Variants in PLPP4 observed in about 807,000 individuals in gnomAD.
PLPP4 encodes the protein phospholipid phosphatase 4, also known as diacylglycerol pyrophosphate like 2.
In PLPP4, 20 loss-of-function variants were observed where a neutral mutation model predicts 32.2. The ratio of observed to expected loss-of-function variants is 0.62; its 90% CI spans 0.44 to 0.90. PLPP4 has a LOEUF of 0.90. PLPP4 is among the 40% of genes least tolerant of loss of function. PLPP4 has a pLI of 0.00. For missense variants in PLPP4, 257 were observed against 353.1 expected, an observed-to-expected ratio of 0.73 and a Z score of 2.18; for synonymous variants, 127 against 133.0, an observed-to-expected ratio of 0.95 and a Z score of 0.31.
At chr10:120,534,952 C>T (rs1846943112) in intron 5 of PLPP4, among the ~76,000 whole-genome samples, 1 of 152,166 alleles carries the variant, frequency 6.6e-6, no homozygotes, top group Admixed American at 6.5e-5. Flanking sequence ...GTGGCCCTCA[C>T]AGGCAGTTTC....
At chr10:120,547,484 T>C (rs997302074) in intron 5 of PLPP4, among the ~76,000 whole-genome samples, 4 of 152,160 alleles carry the variant, frequency 2.6e-5, no homozygotes, top group Non-Finnish European at 5.9e-5. Context: ...AGGAGAATGA[T>C]TGATTATTAA....
chr10:120,571,014 A>G (rs1848909097), intron 5 of PLPP4, among the ~76,000 whole-genome samples: 1 of 150,494 alleles, frequency 6.6e-6, no homozygotes, highest in Non-Finnish European at 1.5e-5. Flanking sequence ...AAAACCTACT[A>G]CAAGGCTTTG....
chr10:120,554,596 T>C (rs1022540326), intron 5 of PLPP4, among the ~76,000 whole-genome samples: 1 of 152,162 alleles, frequency 6.6e-6, no homozygotes, highest in Non-Finnish European at 1.5e-5. Context: ...AAGAACTACC[T>C]GAGACTGGGT....
At chr10:120,491,554 G>C (rs1351973610) in intron 1 of PLPP4, among the ~76,000 whole-genome samples, 1 of 151,866 alleles carries the variant, frequency 6.6e-6, no homozygotes, top group Non-Finnish European at 1.5e-5. Flanking sequence ...CTGAAATCTA[G>C]ATGAAGCTAA....
At chr10:120,559,960 A>G (rs1848342214) in intron 5 of PLPP4, among the ~76,000 whole-genome samples, 1 of 152,250 alleles carries the variant, frequency 6.6e-6, no homozygotes, top group African/African-American at 2.4e-5. Flanking sequence ...GTAATTTTAT[A>G]GCCACCTCCC....
intron 5 of PLPP4, among the ~76,000 whole-genome samples, chr10:120,531,030 A>G (rs1011602343): frequency 6.6e-6 from 1 of 151,496 alleles, no homozygotes; most frequent in Non-Finnish European, 1.5e-5. Context: ...ATTTTCTTCT[A>G]TCAATAGAAG....
intron 2 of PLPP4, among the ~76,000 whole-genome samples, chr10:120,509,250 T>C (rs1321394615): frequency 1.3e-5 from 2 of 152,212 alleles, no homozygotes; most frequent in Non-Finnish European, 2.9e-5. Flanking sequence ...ATTATCGTCA[T>C]ACCCATTTAT....
chr10:120,543,048 G>A lies in PLPP4; in HGVS notation c.445+21953G>A, dbSNP rs181896167. ...TAGCCTGACACCCATCCCCAGGACG[G>A]TGGGTGAGTGTGGGTGTGGGTGGCA... is the stretch of plus-strand genomic sequence containing the variant. On this transcript the variant is annotated intron_variant, in intron 5 of 6. Transcript: ENST00000398250. 2.9e-3 allele frequency among the ~76,000 whole-genome samples: 442 copies of A among 152,324 alleles called. 2 individuals are homozygous for A. The highest frequency in any genetic ancestry group is 0.02 in the South Asian group (95 of 4,832).
chr10:120,538,166 A>G (rs1233219674), intron 5 of PLPP4, among the ~76,000 whole-genome samples: 2 of 147,910 alleles, frequency 1.4e-5, no homozygotes, highest in African/African-American at 5.0e-5. Flanking sequence ...ATAAGTCTGG[A>G]TAAGTCATTC....
At chr10:120,529,222 G>A (rs893729689) in intron 5 of PLPP4, among the ~76,000 whole-genome samples, 1 of 152,060 alleles carries the variant, frequency 6.6e-6, no homozygotes, top group Admixed American at 6.6e-5. Context: ...GTAACAGGGG[G>A]TGCTATTGGC....
At chr10:120,461,941 A>C (rs942705974) in intron 1 of PLPP4, among the ~76,000 whole-genome samples, 1 of 152,212 alleles carries the variant, frequency 6.6e-6, no homozygotes, top group Non-Finnish European at 1.5e-5. Context: ...GCTTGAGGGC[A>C]CTGGATGTCA....
intron 5 of PLPP4, among the ~76,000 whole-genome samples, chr10:120,548,104 G>T (rs879654448): frequency 1.3e-5 from 2 of 152,016 alleles, no homozygotes; most frequent in Non-Finnish European, 2.9e-5. Context: ...AGATTTAGGG[G>T]TATATGTGTA....
intron 1 of PLPP4, among the ~76,000 whole-genome samples, chr10:120,483,291 C>T (rs1313748304): frequency 6.6e-6 from 1 of 152,188 alleles, no homozygotes; most frequent in Admixed American, 6.5e-5. Context: ...TGCTCCTCAG[C>T]TTGCAGACAG....
At chr10:120,533,512 A>G (rs1846844051) in intron 5 of PLPP4, among the ~76,000 whole-genome samples, 1 of 152,138 alleles carries the variant, frequency 6.6e-6, no homozygotes, top group African/African-American at 2.4e-5. Context: ...AAAAAGCTTT[A>G]CATTTTGATG....
chr10:120,479,369 G>C (rs1489203138), intron 1 of PLPP4, among the ~76,000 whole-genome samples: 1 of 152,188 alleles, frequency 6.6e-6, no homozygotes, highest in African/African-American at 2.4e-5. Context: ...GTCCTCATGG[G>C]ACCTGCTCAA....
chr10:120,559,893 T>G (rs543067680), intron 5 of PLPP4, among the ~76,000 whole-genome samples: 5 of 152,208 alleles, frequency 3.3e-5, no homozygotes, highest in Admixed American at 1.3e-4. Flanking sequence ...AACTTGAAGC[T>G]GCAGTATTAA....
chr10:120,475,652 G>A (rs114395912), intron 1 of PLPP4, among the ~76,000 whole-genome samples: 61 of 152,306 alleles, frequency 4.0e-4, no homozygotes, highest in African/African-American at 1.3e-3. Flanking sequence ...GCCTTTGGGC[G>A]GTGTATTCTC....
At chr10:120,493,348 G>A (rs1196700874) in intron 1 of PLPP4, among the ~76,000 whole-genome samples, 1 of 152,170 alleles carries the variant, frequency 6.6e-6, no homozygotes, top group African/African-American at 2.4e-5. Context: ...TGCATGTTTG[G>A]GAAGAATGCT....
chr10:120,491,841 C>A (rs1211563866), intron 1 of PLPP4, among the ~76,000 whole-genome samples: 3 of 145,588 alleles, frequency 2.1e-5, no homozygotes, highest in African/African-American at 7.3e-5. Flanking sequence ...CCAACAACAA[C>A]AAAACCCAAC....
Sources: gnomAD v4.1 joint callset for allele counts (sites outside exome capture counted in the v4.1 genomes callset) on GRCh38, gnomAD v4.1.1 for gene constraint, MANE v1.5 for transcripts, NCBI Gene and HGNC (gene_info 2026-07-23, HGNC 2026-07-21) for gene names.